Variants in CUX2 observed in about 807,000 individuals in gnomAD.
CUX2 encodes homeobox protein cut-like 2.
CUX2 carries 40 observed loss-of-function variants against 144.8 expected under a neutral mutation model. That is an observed-to-expected ratio of 0.28 (90% CI 0.21 to 0.36). The LOEUF (loss-of-function observed/expected upper bound fraction) is 0.36. Ranked by LOEUF, CUX2 falls within the 10% of genes least tolerant of loss-of-function variation. The probability of loss-of-function intolerance (pLI) is 1.00; values close to 1 mark genes in which losing one functional copy is unlikely to be tolerated. For missense variants in CUX2, 1,615 were observed against 1,994.0 expected (o/e 0.81, Z 3.62); for synonymous variants, 827 against 875.6 (o/e 0.94, Z 0.98).
At position 111,255,447 on chromosome 12, in the gene CUX2, G is replaced by A. The variant is rs1054844673; in HGVS notation, c.223-8314G>A. ...CAGCAGACACACCTGGAGGCAGGCA[G>A]GGTTGAGTCCTGCAGCTCCTCCTGG... is the stretch of plus-strand genomic sequence containing the variant. On this transcript the variant is annotated intron_variant, in intron 3 of 21. Transcript: ENST00000261726. This position sits in a 1 kb window ranked among gnomAD's most constrained non-coding sequence, Gnocchi z 4.1. Among the ~76,000 whole-genome samples, 1 of 152,230 alleles carries A rather than the reference G, an allele frequency of 6.6e-6. No individual in the cohort carries two copies. Among genetic ancestry groups the A allele is most frequent in the Non-Finnish European group, 1.5e-5 (1 of 68,040 alleles).
At chr12:111,309,675 TC>T (rs1178373860) in intron 14 of CUX2, among the ~76,000 whole-genome samples, 1 of 147,098 alleles carries the variant, frequency 6.8e-6, no homozygotes, top group Non-Finnish European at 1.5e-5. Flanking sequence ...CTCTGTCTCT[TC>T]CCCCCCGACC....
chr12:111,334,366 G>A, intron 18 of CUX2, 75 bp from the exon 19 acceptor site: 1 of 1,482,282 alleles, frequency 6.7e-7, no homozygotes, highest in Non-Finnish European at 9.0e-7. Flanking sequence ...TTGGCTGTAA[G>A]AAGCAAGCCT....
chr12:111,322,461 C>CCCGG lies in CUX2; in HGVS notation c.2811_2814dup (p.Lys939AlafsTer24), dbSNP rs1887583479. The CCCGG allele has an allele frequency of 6.3e-7, 1 of 1,580,230 alleles. No homozygotes were observed. The highest frequency in any genetic ancestry group is 8.6e-7 in the Non-Finnish European group (1 of 1,164,550). On this transcript the variant is annotated frameshift_variant, in exon 18 of 22. Transcript: ENST00000261726. LOFTEE classifies it high-confidence loss of function. This position sits in a 1 kb window ranked among gnomAD's most constrained non-coding sequence, Gnocchi z 4.2. ...CAGGGCAGCGTGAGCGACATGCTGTCCCGGCCGAAGCCATGGAGCAAGCTG... is the reference window on the plus strand; with the variant it reads ...CAGGGCAGCGTGAGCGACATGCTGTCCCGGCCGGCCGAAGCCATGGAGCAAGCTG...
intron 1 of CUX2, among the ~76,000 whole-genome samples, chr12:111,099,062 C>T (rs1873022621): frequency 6.6e-6 from 1 of 152,240 alleles, no homozygotes; most frequent in Non-Finnish European, 1.5e-5. Context: ...GGAAGTCTCC[C>T]AGAGGAGGCC....
chr12:111,338,208 C>T (rs1201109676), intron 19 of CUX2, 78 bp from the exon 20 acceptor site: 23 of 1,444,238 alleles, frequency 1.6e-5, no homozygotes, highest in African/African-American at 2.8e-5. Flanking sequence ...GTGTCTCTGG[C>T]CTATTCCATG....
intron 1 of CUX2, among the ~76,000 whole-genome samples, chr12:111,105,536 C>T (rs1873548616): frequency 6.6e-6 from 1 of 152,064 alleles, no homozygotes; most frequent in African/African-American, 2.4e-5. Context: ...TGTGAGCTCT[C>T]CCTGCCTCTC....
At chr12:111,209,050 G>A (rs1000355189) in intron 1 of CUX2, among the ~76,000 whole-genome samples, 8 of 152,172 alleles carry the variant, frequency 5.3e-5, no homozygotes, top group Non-Finnish European at 7.3e-5. Flanking sequence ...CCAAATCATC[G>A]TTACTTTTAG....
chr12:111,254,788 A>C (rs1338949951), intron 3 of CUX2, among the ~76,000 whole-genome samples: 2 of 152,236 alleles, frequency 1.3e-5, no homozygotes, highest in Non-Finnish European at 2.9e-5. Context: ...TTTACATCTG[A>C]GAAGGCAAAA....
At chr12:111,110,985 C>T (rs1873912904) in intron 1 of CUX2, among the ~76,000 whole-genome samples, 1 of 152,170 alleles carries the variant, frequency 6.6e-6, no homozygotes. Context: ...TGCCTCTTGC[C>T]AGAGAAACAT....
chr12:111,280,246 G>A (rs971607012), intron 4 of CUX2, among the ~76,000 whole-genome samples: 4 of 152,188 alleles, frequency 2.6e-5, no homozygotes, highest in Non-Finnish European at 4.4e-5. Context: ...CCAAGATCGC[G>A]CTACCCTACT....
Position 111,104,412 on chromosome 12 carries a change from A to G in CUX2, c.63+70172A>G, listed in dbSNP as rs372412145. Among the ~76,000 whole-genome samples the G allele has an allele frequency of 3.9e-5, 6 of 152,350 alleles. No individual in the cohort carries two copies. The South Asian group carries it at 6.2e-4, about 16-fold the overall frequency. On this transcript the variant is annotated intron_variant, in intron 1 of 21. Coordinates refer to ENST00000261726, the MANE Select transcript of CUX2 (RefSeq NM_015267.4). ...ACAAAGTCCAAAGAGAAGCCCAGGA[A>G]TTATCTTCTGAACCCCATCATTTGC...
At chr12:111,155,220 C>T (rs1279797848) in intron 1 of CUX2, among the ~76,000 whole-genome samples, 2 of 152,200 alleles carry the variant, frequency 1.3e-5, no homozygotes, top group African/African-American at 4.8e-5. Context: ...AGTCACTTCA[C>T]CTCTCTGAGC....
intron 1 of CUX2, among the ~76,000 whole-genome samples, chr12:111,036,012 C>T (rs1489062139): frequency 6.6e-6 from 1 of 152,120 alleles, no homozygotes; most frequent in Non-Finnish European, 1.5e-5. Context: ...GCACGAAGGC[C>T]AATGGTAATC....
intron 4 of CUX2, among the ~76,000 whole-genome samples, chr12:111,264,511 G>A (rs1592897441): frequency 2.0e-5 from 3 of 152,260 alleles, no homozygotes; most frequent in South Asian, 2.1e-4. Context: ...GAGGTGGGCC[G>A]ATCACCTGAG....
At chr12:111,058,365 A>G (rs1870619264) in intron 1 of CUX2, among the ~76,000 whole-genome samples, 1 of 152,246 alleles carries the variant, frequency 6.6e-6, no homozygotes, top group African/African-American at 2.4e-5. Context: ...ACCCTCTCCA[A>G]GGAGGCCTCT....
At chr12:111,153,346 A>G (rs528579756) in intron 1 of CUX2, among the ~76,000 whole-genome samples, 29 of 152,338 alleles carry the variant, frequency 1.9e-4, no homozygotes, top group Non-Finnish European at 3.5e-4. Context: ...TCACTTGACA[A>G]CCGGGATACA....
intron 1 of CUX2, among the ~76,000 whole-genome samples, chr12:111,063,531 G>T (rs1476996913): frequency 6.6e-6 from 1 of 152,216 alleles, no homozygotes; most frequent in Non-Finnish European, 1.5e-5. Flanking sequence ...CCACAGCCCC[G>T]GCAAAGGTTG....
rs766117992 is a variant in CUX2 at position 111,293,701 on chromosome 12, G to A, written c.560+132G>A. The A allele has an allele frequency of 7.6e-7, 1 of 1,320,138 alleles. No individual in the cohort carries two copies. The highest frequency in any genetic ancestry group is 2.6e-5 in the East Asian group (1 of 38,954). 81.8% of individuals were successfully genotyped at this position (1,320,138 alleles called of 1,614,324 possible). A position where few individuals can be genotyped will look rare whatever the true frequency, so the allele number is the denominator to read the frequency against. ...CAGGCTGGAGACCGAGATGAGAAAG[G>A]GCCGAGGGCTTTGGACTCCAACCGG... is the stretch of plus-strand genomic sequence containing the variant. On this transcript the variant is annotated intron_variant, in intron 6 of 21. Coordinates refer to ENST00000261726, the MANE Select transcript of CUX2 (RefSeq NM_015267.4). This position sits in a 1 kb window ranked among gnomAD's most constrained non-coding sequence, Gnocchi z 4.5.
intron 1 of CUX2, among the ~76,000 whole-genome samples, chr12:111,094,335 T>C (rs1027227827): frequency 7.9e-5 from 12 of 151,972 alleles, no homozygotes; most frequent in Admixed American, 5.2e-4. Context: ...GCCCGAGAAG[T>C]GGACGGGGAC....
Sources: gnomAD v4.1 joint callset for allele counts (sites outside exome capture counted in the v4.1 genomes callset) on GRCh38, gnomAD v4.1.1 for gene constraint, Gnocchi (gnomAD v3.1) non-coding constraint, MANE v1.5 for transcripts, NCBI Gene and HGNC (gene_info 2026-07-23, HGNC 2026-07-21) for gene names.